Variants in SLC66A3 observed in about 807,000 individuals in gnomAD.
SLC66A3 encodes the protein solute carrier family 66 member 3, also known as PQ loop repeat containing 3.
SLC66A3 carries 23 observed loss-of-function variants against 25.5 expected under a neutral mutation model. The ratio of observed to expected loss-of-function variants is 0.90; its 90% CI spans 0.65 to 1.28. The LOEUF (loss-of-function observed/expected upper bound fraction) is 1.28, where lower values mean the gene tolerates loss of function less well. Ranked by LOEUF, SLC66A3 falls within the 50% of genes most tolerant of loss-of-function variation. The probability of loss-of-function intolerance (pLI) is 0.00; values close to 1 mark genes in which losing one functional copy is unlikely to be tolerated. For synonymous variants in SLC66A3, 108 were observed against 112.6 expected, an observed-to-expected ratio of 0.96 and a Z score of 0.26; for missense variants, 246 against 262.1, an observed-to-expected ratio of 0.94 and a Z score of 0.42.
chr2:11,164,437 G>A (rs1314430048), intron 4 of SLC66A3, among the ~76,000 whole-genome samples, 176 bp downstream of exon 4: 1 of 149,508 alleles, frequency 6.7e-6, no homozygotes, highest in Non-Finnish European at 1.5e-5. Flanking sequence ...CACCTCCTGG[G>A]TTCAAGGGAT....
chr2:11,165,125 C>T (rs1448887807), intron 4 of SLC66A3, among the ~76,000 whole-genome samples: 11 of 150,920 alleles, frequency 7.3e-5, no homozygotes, highest in East Asian at 6.0e-4. Flanking sequence ...GAGGCACCCC[C>T]CACCTCCCGG....
intron 3 of SLC66A3, chr2:11,160,936 G>C: frequency 1.7e-6 from 1 of 606,056 alleles, no homozygotes; most frequent in South Asian, 2.0e-5. Flanking sequence ...AAGGCAGATC[G>C]GTAGAGTCCA....
At chr2:11,166,218 T>G (rs966344388) in intron 4 of SLC66A3, among the ~76,000 whole-genome samples, 5 of 152,142 alleles carry the variant, frequency 3.3e-5, no homozygotes, top group Non-Finnish European at 5.9e-5. Context: ...TTAACTAGCT[T>G]CTTCTTAGGT....
chr2:11,155,801 C>T (rs1661876272), intron 1 of SLC66A3, 112 bp downstream of exon 1: 2 of 1,091,452 alleles, frequency 1.8e-6, no homozygotes, highest in South Asian at 2.8e-5. Context: ...CGCGCGCCGG[C>T]GTCGCAGCTG....
In SLC66A3 at chr2:11,177,814, A is replaced by G. The variant is rs1279277411; in HGVS notation, c.595A>G (p.Ile199Val). The change falls in exon 7 of 7, where the codon ATA becomes GTA. Residue 199 changes from isoleucine (I) to valine (V), a missense_variant. Ile to Val is a conservative substitution (Grantham distance 29). Coordinates refer to ENST00000295083, the MANE Select transcript of SLC66A3 (RefSeq NM_152391.5). ...VTVLRYRKTAIKAE is the reference protein window; with the variant it reads ...VTVLRYRKTAVKAE ...AGTACTTCGCTACCGGAAGACCGCT[A>G]TAAAGGCTGAATGATGGATACATTA... 3.1e-6 allele frequency: 5 copies of G among 1,600,660 alleles called. No homozygotes were observed. Among genetic ancestry groups the G allele is most frequent in the Non-Finnish European group, 4.3e-6 (5 of 1,168,534 alleles).
At chr2:11,163,865 T>G (rs923437667) in intron 3 of SLC66A3, among the ~76,000 whole-genome samples, 1 of 152,236 alleles carries the variant, frequency 6.6e-6, no homozygotes, top group African/African-American at 2.4e-5. Context: ...CTTTAAGTGC[T>G]TAGCTTTTGA....
rs768139394 is a variant in SLC66A3, at chr2:11,164,224, T to TCCTTGC, written c.321_326dup (p.Ala108_Leu109dup). On this transcript the variant is annotated inframe_insertion, in exon 4 of 7. Transcript: ENST00000295083. ...GTAAGATTGGTGTCTTCTTGGTTCA[T>TCCTTGC]CCTTGCCCTGCAGAAGTGGATCATA... 6.3e-7 allele frequency: 1 copy of TCCTTGC among 1,578,882 alleles called. No individual in the cohort carries two copies. Among genetic ancestry groups the TCCTTGC allele is most frequent in the Admixed American group, 1.8e-5 (1 of 54,058 alleles).
chr2:11,169,483 A>G (rs192367157), intron 4 of SLC66A3, among the ~76,000 whole-genome samples: 14 of 152,114 alleles, frequency 9.2e-5, no homozygotes, highest in Admixed American at 2.0e-4. Flanking sequence ...ATATCTCGGT[A>G]GCTTTTGACA....
chr2:11,169,837 C>CTTTTTTTTT (rs1186098636), intron 4 of SLC66A3, among the ~76,000 whole-genome samples: 1,914 of 88,918 alleles, frequency 0.022, 187 homozygotes, highest in Non-Finnish European at 0.027. Flanking sequence ...GGATTTCTCT[C>CTTTTTTTTT]TTTTTTTTTT....
chr2:11,173,841 CAAAT>C (rs1473640489), intron 5 of SLC66A3, among the ~76,000 whole-genome samples: 3 of 152,298 alleles, frequency 2.0e-5, no homozygotes, highest in African/African-American at 7.2e-5. Context: ...CTATGGCACA[CAAAT>C]AAACTAAACA....
chr2:11,173,476 T>C (rs1437698904), intron 5 of SLC66A3, among the ~76,000 whole-genome samples: 1 of 152,246 alleles, frequency 6.6e-6, no homozygotes, highest in Non-Finnish European at 1.5e-5. Flanking sequence ...TGTCTACTTA[T>C]ATGATTGAAT....
In SLC66A3 at chr2:11,160,803, A is replaced by T. The variant is rs1662097055; in HGVS notation, c.296+109A>T. The T allele has an allele frequency of 8.5e-5, 12 of 140,530 alleles. No individual in the cohort carries two copies. In the African/African-American group the frequency reaches 1.4e-3, roughly 17 times the overall value. The allele number at this position is 140,530 out of a possible 1,614,324, so 8.7% of individuals were successfully genotyped here. On this transcript the variant is annotated intron_variant, in intron 3 of 6. Transcript: ENST00000295083. The stretch of plus-strand genomic sequence containing the variant: ...AGATGTGTATTTTTTGGTTAAACTA[A>T]AAAAAAAAAAAAAAAAAATCCCAAA...
At chr2:11,164,287 TAGG>T in intron 4 of SLC66A3, 26 bp downstream of exon 4, 1 of 1,293,232 alleles carries the variant, frequency 7.7e-7, no homozygotes, top group African/African-American at 1.6e-5. Flanking sequence ...GAAAAGAAAG[TAGG>T]AGGAATAAGC....
intron 1 of SLC66A3, among the ~76,000 whole-genome samples, chr2:11,156,785 G>T (rs1274557784): frequency 2.0e-5 from 3 of 152,150 alleles, no homozygotes; most frequent in African/African-American, 4.8e-5. Context: ...GGTGGGGAGG[G>T]GGGGGTCCCA....
At chr2:11,165,150 C>T (rs1298195433) in intron 4 of SLC66A3, among the ~76,000 whole-genome samples, 3 of 150,670 alleles carry the variant, frequency 2.0e-5, no homozygotes, top group Non-Finnish European at 3.0e-5. Flanking sequence ...GGCGGCTGGC[C>T]GGGCGGGGGC....
rs1662575249 is a variant in SLC66A3 at position 11,172,046 on chromosome 2, G to A, written c.475+1G>A. 1.2e-6 allele frequency: 2 copies of A among 1,613,684 alleles called. No homozygotes were observed. The highest frequency in any genetic ancestry group is 4.5e-5 in the East Asian group (2 of 44,872). ...AGCCTCTCTTCCTATACCTGTGCAA[G>A]TAAGAACCGGACTCACATGGTGGGG... On this transcript the variant is annotated splice_donor_variant, in intron 5 of 6. Transcript: ENST00000295083. LOFTEE classifies it high-confidence loss of function.
At chr2:11,174,489 TTTTTGTTTTG>T (rs917051343) in intron 5 of SLC66A3, among the ~76,000 whole-genome samples, 14 of 152,168 alleles carry the variant, frequency 9.2e-5, no homozygotes, top group African/African-American at 2.6e-4. Flanking sequence ...GCATGGCTGT[TTTTTGTTTTG>T]TTTTGTTTTG....
At chr2:11,164,541 T>A (rs1435999531) in intron 4 of SLC66A3, among the ~76,000 whole-genome samples, 4 of 144,346 alleles carry the variant, frequency 2.8e-5, no homozygotes, top group Non-Finnish European at 6.1e-5. Flanking sequence ...TTTTGTTTTC[T>A]TTTTTTTTTA....
Position 11,172,029 on chromosome 2 carries a change from T to C in SLC66A3, c.459T>C (p.Ser153=). 6.2e-7 allele frequency: 1 copy of C among 1,614,016 alleles called. No homozygotes were observed. The highest frequency in any genetic ancestry group is 1.7e-4 in the Middle Eastern group (1 of 6,060). Residue 153 remains serine (S), a synonymous_variant, in exon 5 of 7, where the codon TCT becomes TCC. Transcript: ENST00000295083. ...TGAGTGCGCTGACTTGGAGCCTCTC[T>C]TCCTATACCTGTGCAAGTAAGAACC... is the stretch of plus-strand genomic sequence containing the variant. ...GTVSALTWSL[S]SYTCATRIIT...
Sources: gnomAD v4.1 joint callset for allele counts (sites outside exome capture counted in the v4.1 genomes callset) on GRCh38, gnomAD v4.1.1 for gene constraint, MANE v1.5 for transcripts, NCBI Gene and HGNC (gene_info 2026-07-23, HGNC 2026-07-21) for gene names.